ARHGAP24: variants seen among roughly 807,000 people sequenced by gnomAD.
ARHGAP24 encodes the protein Rho GTPase activating protein 24, also known as rho GTPase-activating protein 24.
A neutral mutation model predicts 76.4 loss-of-function variants in ARHGAP24; 50 were observed. The observed-to-expected ratio is 0.65, with a 90% CI of 0.52 to 0.83. ARHGAP24 has a LOEUF of 0.83. Ranked by LOEUF, ARHGAP24 falls within the 40% of genes least tolerant of loss-of-function variation. The probability of loss-of-function intolerance (pLI) is 0.00; values close to 1 mark genes in which losing one functional copy is unlikely to be tolerated. For missense variants in ARHGAP24, 930 were observed against 914.2 expected (o/e 1.02, Z -0.22); for synonymous variants, 345 against 323.3 (o/e 1.07, Z -0.72).
intron 1 of ARHGAP24, among the ~76,000 whole-genome samples, chr4:85,515,883 T>C (rs1182288672): frequency 2.0e-5 from 3 of 152,212 alleles, no homozygotes; most frequent in Non-Finnish European, 4.4e-5. Flanking sequence ...TATACAATAT[T>C]GTACTTCCCC....
intron 3 of ARHGAP24, among the ~76,000 whole-genome samples, chr4:85,916,600 G>A (rs1313144170): frequency 6.6e-6 from 1 of 152,064 alleles, no homozygotes; most frequent in Admixed American, 6.6e-5. Flanking sequence ...TAAATTTCCA[G>A]TATTTTTCTG....
At chr4:85,886,417 G>C (rs767380407) in intron 3 of ARHGAP24, among the ~76,000 whole-genome samples, 3 of 152,044 alleles carry the variant, frequency 2.0e-5, no homozygotes, top group Non-Finnish European at 2.9e-5. Context: ...TCATGTAAAG[G>C]TGAGCACTTA....
chr4:85,525,129 T>C (rs1413109897), intron 1 of ARHGAP24, among the ~76,000 whole-genome samples: 1 of 152,182 alleles, frequency 6.6e-6, no homozygotes, highest in Non-Finnish European at 1.5e-5. Flanking sequence ...ATCTTATTAA[T>C]ATCCAAACTG....
At chr4:85,949,283 C>T (rs1285722936) in intron 5 of ARHGAP24, among the ~76,000 whole-genome samples, 1 of 152,196 alleles carries the variant, frequency 6.6e-6, no homozygotes, top group African/African-American at 2.4e-5. Flanking sequence ...CACCCAATTT[C>T]TAGTATCAAT....
intron 5 of ARHGAP24, among the ~76,000 whole-genome samples, chr4:85,962,590 C>T (rs1738325289): frequency 6.6e-6 from 1 of 151,970 alleles, no homozygotes; most frequent in Admixed American, 6.6e-5. Flanking sequence ...GTTATATCCA[C>T]CTGAAAATAG....
At position 85,605,907 on chromosome 4, in the gene ARHGAP24, C is replaced by T. The variant is rs150643127; in HGVS notation, c.180+35186C>T. Among the ~76,000 whole-genome samples, 4 of 152,278 alleles carry T rather than the reference C, an allele frequency of 2.6e-5. No individual in the cohort carries two copies. The East Asian group carries it at 7.7e-4, about 29-fold the overall frequency. On this transcript the variant is annotated intron_variant, in intron 2 of 9. Coordinates refer to ENST00000395184, the MANE Select transcript of ARHGAP24 (RefSeq NM_001025616.3). ...TAGGGTTGGAGGTGTGTTCAGTAAT[C>T]AGCGTTTATGGAGATTGTGATGAAT...
intron 3 of ARHGAP24, among the ~76,000 whole-genome samples, chr4:85,749,349 G>A (rs1008217485): frequency 2.6e-5 from 4 of 152,146 alleles, no homozygotes; most frequent in Non-Finnish European, 5.9e-5. Flanking sequence ...CCTTAGAAGA[G>A]TCTCACTCCA....
At chr4:85,632,749 A>ATT (rs1189031816) in intron 2 of ARHGAP24, among the ~76,000 whole-genome samples, 2 of 152,012 alleles carry the variant, frequency 1.3e-5, no homozygotes, top group Non-Finnish European at 2.9e-5. Flanking sequence ...TTGCTTTGCA[A>ATT]TTGCAATTAC....
chr4:85,853,830 T>TACTCAGGA (rs1199404650), intron 3 of ARHGAP24, among the ~76,000 whole-genome samples: 6 of 152,074 alleles, frequency 3.9e-5, no homozygotes, highest in African/African-American at 1.4e-4. Context: ...GGCACACACC[T>TACTCAGGA]GTAGTGCCAG....
At chr4:85,970,878 C>T (rs2148850245) in intron 5 of ARHGAP24, among the ~76,000 whole-genome samples, 1 of 152,302 alleles carries the variant, frequency 6.6e-6, no homozygotes. Flanking sequence ...ACTTCCCACA[C>T]ACAAATTAAA....
intron 3 of ARHGAP24, among the ~76,000 whole-genome samples, chr4:85,818,749 T>C (rs565262470): frequency 7.2e-5 from 11 of 152,208 alleles, no homozygotes; most frequent in Admixed American, 5.2e-4. Context: ...AGGGCTCCAA[T>C]TTCAAATTTC....
chr4:85,892,157 T>C lies in ARHGAP24; in HGVS notation c.269-31491T>C, dbSNP rs1286452743. 1.8e-4 allele frequency among the ~76,000 whole-genome samples: 11 copies of C among 62,000 alleles called. 5 individuals carry two copies. Among genetic ancestry groups the C allele is most frequent in the African/African-American group, 7.7e-4 (11 of 14,324 alleles). 40.7% of individuals were successfully genotyped at this position (62,000 alleles called of 152,430 possible). A position where few individuals can be genotyped will look rare whatever the true frequency, so the allele number is the denominator to read the frequency against. ...TCTAGTTTATTTGCATAGAGGTGTT[T>C]GTAGTATTCTCTGATGGTAGTTTGT... is the stretch of plus-strand genomic sequence containing the variant. On this transcript the variant is annotated intron_variant, in intron 3 of 9. Transcript: ENST00000395184.
At chr4:85,773,072 T>C (rs1357258903) in intron 3 of ARHGAP24, among the ~76,000 whole-genome samples, 1 of 152,214 alleles carries the variant, frequency 6.6e-6, no homozygotes, top group Admixed American at 6.5e-5. Flanking sequence ...ACCACTGATA[T>C]TTTTCTGTAA....
Position 85,995,619 on chromosome 4 carries a change from G to T in ARHGAP24, c.1965G>T (p.Met655Ile). 1 of 1,613,950 alleles carries T rather than the reference G, an allele frequency of 6.2e-7. No individual in the cohort carries two copies. The highest frequency in any genetic ancestry group is 1.1e-5 in the South Asian group (1 of 91,054). ...TAGTTTCCAGCCTGAAACAGGAAAT[G>T]ACCAAACAGAAGATAGAGTATGAGT... ...HSLVSSLKQE[M>I]TKQKIEYESR... Residue 655 changes from methionine to isoleucine, a missense_variant, in exon 9 of 10, where the codon ATG (methionine) becomes ATT (isoleucine). By Grantham distance (10) the Met-to-Ile change is conservative (BLOSUM62 1). Coordinates refer to ENST00000395184, the MANE Select transcript of ARHGAP24 (RefSeq NM_001025616.3).
chr4:85,657,176 T>G (rs753282914), intron 2 of ARHGAP24, among the ~76,000 whole-genome samples: 1 of 152,200 alleles, frequency 6.6e-6, no homozygotes, highest in South Asian at 2.1e-4. Flanking sequence ...TTATTTTTTC[T>G]GGGCTATAAA....
intron 2 of ARHGAP24, among the ~76,000 whole-genome samples, chr4:85,665,108 G>C (rs1158825190): frequency 1.3e-5 from 2 of 152,102 alleles, no homozygotes; most frequent in Non-Finnish European, 2.9e-5. Context: ...AATGTTGACA[G>C]TGGGGTGTTA....
chr4:85,486,335 G>A (rs1196261418), intron 1 of ARHGAP24, among the ~76,000 whole-genome samples: 5 of 152,058 alleles, frequency 3.3e-5, no homozygotes, highest in African/African-American at 1.2e-4. Flanking sequence ...TAATACAAGG[G>A]TCAAGATACC....
chr4:85,689,982 A>G lies in ARHGAP24; in HGVS notation c.181-31903A>G, dbSNP rs924615000. 9.2e-5 allele frequency among the ~76,000 whole-genome samples: 14 copies of G among 152,310 alleles called. 1 individual carries two copies. Among genetic ancestry groups the G allele is most frequent in the Admixed American group, 7.2e-4 (11 of 15,296 alleles). On this transcript the variant is annotated intron_variant, in intron 2 of 9. Transcript: ENST00000395184. ...TGATTCTAGCTTTTGCCCATTCAGTACAATGTTGACCATGAGTTTGTCATA... is the reference window on the plus strand; with the variant it reads ...TGATTCTAGCTTTTGCCCATTCAGTGCAATGTTGACCATGAGTTTGTCATA...
intron 1 of ARHGAP24, among the ~76,000 whole-genome samples, chr4:85,484,850 C>G (rs1204364094): frequency 6.6e-6 from 1 of 152,062 alleles, no homozygotes; most frequent in African/African-American, 2.4e-5. Flanking sequence ...CTCCTGACCT[C>G]AAGTCATCTG....
Sources: allele counts gnomAD v4.1 joint callset (sites outside exome capture counted in the v4.1 genomes callset), GRCh38; gene constraint gnomAD v4.1.1; transcripts MANE v1.5; gene names NCBI Gene and HGNC (gene_info 2026-07-23, HGNC 2026-07-21).